Variants in TMEM184B observed in about 807,000 individuals in gnomAD.
TMEM184B encodes the protein putative MAPK-activating protein FM08.
TMEM184B carries 17 observed loss-of-function variants against 41.8 expected under a neutral mutation model. The ratio of observed to expected loss-of-function variants is 0.41; its 90% CI spans 0.28 to 0.61. The LOEUF is 0.61. TMEM184B is among the 20% of genes least tolerant of loss of function. The probability of loss-of-function intolerance (pLI) is 0.34; values close to 1 mark genes in which losing one functional copy is unlikely to be tolerated. For missense variants in TMEM184B, 393 were observed against 557.8 expected (o/e 0.70, Z 2.98); for synonymous variants, 240 against 229.5 (o/e 1.05, Z -0.41).
chr22:38,272,381 G>A (rs1023219576), intron 1 of TMEM184B: 70 of 756,380 alleles, frequency 9.3e-5, no homozygotes, highest in Non-Finnish European at 1.1e-4. Flanking sequence ...CCAAACCTGC[G>A]GACCTGTGTG....
intron 1 of TMEM184B, among the ~76,000 whole-genome samples, chr22:38,269,687 A>G (rs1175476462): frequency 2.0e-5 from 3 of 151,890 alleles, no homozygotes; most frequent in African/African-American, 7.3e-5. Flanking sequence ...ACAGAGCGAG[A>G]CTCCATCTCA....
chr22:38,224,043 A>G (rs916477352), intron 8 of TMEM184B: 2 of 152,286 alleles, frequency 1.3e-5, no homozygotes, highest in Non-Finnish European at 2.9e-5. Context: ...AAGGAGGAAG[A>G]TTCGCAGGTG....
chr22:38,229,486 G>A (rs1335675680), intron 5 of TMEM184B, among the ~76,000 whole-genome samples: 3 of 152,230 alleles, frequency 2.0e-5, no homozygotes, highest in Non-Finnish European at 4.4e-5. Context: ...CAGAGTCAGA[G>A]GAAAAGCTGG....
Position 38,220,011 on chromosome 22 carries a change from A to T in TMEM184B, c.*1458T>A, listed in dbSNP as rs993773474. 1.1e-4 allele frequency: 105 copies of T among 985,358 alleles called. No homozygotes were observed. The highest frequency in any genetic ancestry group is 1.2e-4 in the Non-Finnish European group (102 of 829,976). The allele number at this position is 985,358 out of a possible 1,614,324, so 61.0% of individuals were successfully genotyped here. The stretch of plus-strand genomic sequence containing the variant: ...GGAAGGACCAAAAGAAAGAATCCCC[A>T]GTGAACACCGGCAGGGTCCCTCTCC... On this transcript the variant is annotated 3_prime_UTR_variant, in exon 9 of 9. Coordinates refer to ENST00000361906, the MANE Select transcript of TMEM184B (RefSeq NM_012264.5).
intron 1 of TMEM184B, among the ~76,000 whole-genome samples, chr22:38,254,097 A>G (rs753989905): frequency 6.6e-6 from 1 of 150,834 alleles, no homozygotes; most frequent in African/African-American, 2.4e-5. Flanking sequence ...GCTACTCAGG[A>G]GGCTGAGGCA....
chr22:38,240,452 A>T (rs1051131801), intron 3 of TMEM184B, among the ~76,000 whole-genome samples: 2 of 152,194 alleles, frequency 1.3e-5, no homozygotes, highest in South Asian at 4.1e-4. Flanking sequence ...GTACCAAAAA[A>T]GAGCCAGAAA....
chr22:38,268,996 C>G (rs2092483044), intron 1 of TMEM184B, among the ~76,000 whole-genome samples: 1 of 152,242 alleles, frequency 6.6e-6, no homozygotes, highest in Non-Finnish European at 1.5e-5. Flanking sequence ...AGGCCAGCCA[C>G]GTGACAGCCA....
intron 1 of TMEM184B, among the ~76,000 whole-genome samples, chr22:38,256,866 A>T (rs1172932189): frequency 6.6e-6 from 1 of 152,148 alleles, no homozygotes; most frequent in Non-Finnish European, 1.5e-5. Flanking sequence ...GTTCACAGGA[A>T]ATTGCAAAAA....
chr22:38,247,751 C>A lies in TMEM184B; in HGVS notation c.192+19G>T, dbSNP rs550195329. ...ACCTTTCTGGACCTTTCTAGAGGCC[C>A]CTTGCCAGGCTTGGGTACCTGGTGG... On this transcript the variant is annotated intron_variant, in intron 2 of 8. Transcript: ENST00000361906. 15 of 1,604,574 alleles carry A rather than the reference C, an allele frequency of 9.3e-6. No individual in the cohort carries two copies. Among genetic ancestry groups the A allele is most frequent in the African/African-American group, 1.3e-5 (1 of 74,888 alleles).
chr22:38,260,863 AC>A (rs1372515614), intron 1 of TMEM184B, among the ~76,000 whole-genome samples: 2 of 152,004 alleles, frequency 1.3e-5, no homozygotes, highest in Middle Eastern at 3.2e-3. Flanking sequence ...TCAGATCCAA[AC>A]CCTTTAGAGC....
chr22:38,236,400 TTCCCAGGGGCAGATGGGAC>T (rs1371608068), intron 3 of TMEM184B, among the ~76,000 whole-genome samples: 1 of 152,188 alleles, frequency 6.6e-6, no homozygotes, highest in Non-Finnish European at 1.5e-5. Context: ...AACCACCTTC[TTCCCAGGGGCAGATGGGAC>T]TCCCAGGGGC....
chr22:38,246,135 T>A, intron 2 of TMEM184B, 35 bp from the exon 3 acceptor site: 1 of 1,597,074 alleles, frequency 6.3e-7, no homozygotes, highest in Non-Finnish European at 8.5e-7. Flanking sequence ...CTGGGGACCC[T>A]CCTGTCCACA....
At chr22:38,231,111 A>T (rs1276366502) in intron 4 of TMEM184B, 133 bp downstream of exon 4, 8 of 807,168 alleles carry the variant, frequency 9.9e-6, no homozygotes, top group Non-Finnish European at 1.7e-5. Context: ...GTTGCTCAGG[A>T]AATGTGGTGA....
chr22:38,233,383 G>A (rs1463089161), intron 3 of TMEM184B, among the ~76,000 whole-genome samples: 1 of 152,238 alleles, frequency 6.6e-6, no homozygotes, highest in Non-Finnish European at 1.5e-5. Context: ...TTGGCAGGTG[G>A]CTGTGAGGCG....
intron 1 of TMEM184B, among the ~76,000 whole-genome samples, chr22:38,272,023 G>C (rs2092531209): frequency 6.6e-6 from 1 of 152,212 alleles, no homozygotes; most frequent in African/African-American, 2.4e-5. Context: ...AGCACCAGCA[G>C]TCAGATAAAT....
At chr22:38,246,128 G>C (rs2092024603) in intron 2 of TMEM184B, 28 bp from the exon 3 acceptor site, 2 of 1,601,328 alleles carry the variant, frequency 1.2e-6, no homozygotes, top group Admixed American at 3.3e-5. Context: ...GGGTCAGCTG[G>C]GGACCCTCCT....
At chr22:38,261,602 T>C (rs1223902260) in intron 1 of TMEM184B, among the ~76,000 whole-genome samples, 1 of 152,206 alleles carries the variant, frequency 6.6e-6, no homozygotes, top group Non-Finnish European at 1.5e-5. Flanking sequence ...ATACCAGTCC[T>C]AATTTTGATG....
chr22:38,220,863 C>T lies in TMEM184B; in HGVS notation c.*606G>A. The T allele has an allele frequency of 6.1e-6, 6 of 986,140 alleles. No homozygotes were observed. The highest frequency in any genetic ancestry group is 7.2e-6 in the Non-Finnish European group (6 of 830,140). 61.1% of individuals were successfully genotyped at this position (986,140 alleles called of 1,614,324 possible). A position where few individuals can be genotyped will look rare whatever the true frequency, so the allele number is the denominator to read the frequency against. On this transcript the variant is annotated 3_prime_UTR_variant, in exon 9 of 9. Transcript: ENST00000361906. ...TGCCCAGGGGCCCTGAATGCCCTTC[C>T]TGGGTGGGGCCTGTGACTCCTGGTG...
chr22:38,235,719 T>A (rs973400987), intron 3 of TMEM184B, among the ~76,000 whole-genome samples: 2 of 152,296 alleles, frequency 1.3e-5, no homozygotes, highest in East Asian at 3.9e-4. Context: ...TCAGTCTCCC[T>A]CCTGGAAAGT....
Sources: allele counts gnomAD v4.1 joint callset (sites outside exome capture counted in the v4.1 genomes callset), GRCh38; gene constraint gnomAD v4.1.1; transcripts MANE v1.5; gene names NCBI Gene and HGNC (gene_info 2026-07-23, HGNC 2026-07-21).